Variants in XRCC5 observed in about 807,000 individuals in gnomAD.
The protein encoded by XRCC5 is DNA repair protein Ku80.
Under a neutral mutation model 95.7 loss-of-function variants are expected in XRCC5, and 12 were observed. The observed-to-expected ratio is 0.13, with a 90% CI of 0.08 to 0.20. The LOEUF is 0.20. Ranked by LOEUF, XRCC5 falls within the 10% of genes least tolerant of loss-of-function variation. The pLI is 1.00. For missense variants in XRCC5, 595 were observed against 873.9 expected (o/e 0.68, Z 4.02); for synonymous variants, 281 against 290.3 (o/e 0.97, Z 0.33).
intron 2 of XRCC5, among the ~76,000 whole-genome samples, chr2:216,115,693 T>C (rs1040386753): frequency 2.2e-4 from 33 of 152,348 alleles, no homozygotes; most frequent in African/African-American, 7.5e-4. Flanking sequence ...GATACTATTT[T>C]TTGTTTTTAT....
At position 216,177,586 on chromosome 2, in the gene XRCC5, G is replaced by C. The variant is rs3732028; in HGVS notation, c.1835-12639G>C. Among the ~76,000 whole-genome samples the C allele has an allele frequency of 1.5e-4, 23 of 152,218 alleles. 1 individual carries two copies. The East Asian group carries it at 4.4e-3, about 29-fold the overall frequency. ...TACTGGAAAAATTGTGTAGATTTTA[G>C]GAACTTGTTGGAGCAGAAAGGCGAT... On this transcript the variant is annotated intron_variant, in intron 16 of 20. Transcript: ENST00000392132.
In XRCC5 at chr2:216,141,346, T is replaced by C. The variant is rs1410033285; in HGVS notation, c.1476+27T>C. ...TAAGAGAAGAAGGATGAACAAGTCA[T>C]ATTTCTTTTAAATGAAAGAGAGCTA... On this transcript the variant is annotated intron_variant, in intron 13 of 20. Transcript: ENST00000392132. The C allele has an allele frequency of 1.9e-6, 3 of 1,613,298 alleles. No homozygotes were observed. The South Asian group carries it at 3.3e-5, about 18-fold the overall frequency.
At chr2:216,126,598 G>A (rs369116093) in intron 7 of XRCC5, among the ~76,000 whole-genome samples, 6 of 152,270 alleles carry the variant, frequency 3.9e-5, no homozygotes, top group East Asian at 3.9e-4. Context: ...AATCTGATGC[G>A]TGCCTTCATA....
intron 16 of XRCC5, among the ~76,000 whole-genome samples, chr2:216,176,884 TTGCGA>T (rs1216864406): frequency 6.6e-6 from 1 of 152,260 alleles, no homozygotes; most frequent in Non-Finnish European, 1.5e-5. Context: ...ACACCATAAA[TTGCGA>T]TGTGTTATGA....
intron 11 of XRCC5, 114 bp from the exon 12 acceptor site, chr2:216,137,975 C>A: frequency 2.4e-6 from 2 of 844,068 alleles, no homozygotes; most frequent in Non-Finnish European, 3.6e-6. Context: ...CAGAGTTGGG[C>A]TGTCCGATTT....
At chr2:216,144,369 G>A (rs529033549) in intron 13 of XRCC5, among the ~76,000 whole-genome samples, 2 of 152,310 alleles carry the variant, frequency 1.3e-5, no homozygotes, top group South Asian at 4.1e-4. Context: ...TGAATACCTT[G>A]TATGCCATAC....
intron 6 of XRCC5, among the ~76,000 whole-genome samples, chr2:216,124,925 C>T (rs1696878998): frequency 6.6e-6 from 1 of 152,308 alleles, no homozygotes; most frequent in Non-Finnish European, 1.5e-5. Context: ...TTAAATGAAG[C>T]AGCACTCCAC....
intron 5 of XRCC5, among the ~76,000 whole-genome samples, chr2:216,121,566 A>T (rs892386527): frequency 2.6e-5 from 4 of 152,104 alleles, no homozygotes; most frequent in Non-Finnish European, 5.9e-5. Context: ...CATTTTTTTT[A>T]AGGTCGCTAA....
intron 3 of XRCC5, 46 bp from the exon 4 acceptor site, chr2:216,117,700 A>G: frequency 6.3e-7 from 1 of 1,597,898 alleles, no homozygotes; most frequent in Non-Finnish European, 8.6e-7. Context: ...TTGCGTGTTC[A>G]CATGAAGAGA....
intron 19 of XRCC5, among the ~76,000 whole-genome samples, chr2:216,197,448 GAAAAAAAAAA>G (rs369842827): frequency 9.1e-6 from 1 of 110,332 alleles, no homozygotes; most frequent in East Asian, 2.6e-4. Context: ...TCTGTCCCAG[GAAAAAAAAAA>G]AAAAAAAAAA....
Position 216,127,456 on chromosome 2 carries a change from A to G in XRCC5, c.799-80A>G. On this transcript the variant is annotated intron_variant, in intron 7 of 20. Transcript: ENST00000392132. ...ATTGTTCTGGATTTTTGTCTGTGCC[A>G]GAGAGTGTATTAGGTTTTCATCTTC... 4 of 1,480,912 alleles carry G rather than the reference A, an allele frequency of 2.7e-6. No individual in the cohort carries two copies. In the South Asian group the frequency reaches 5.6e-5, roughly 21 times the overall value. The allele number at this position is 1,480,912 out of a possible 1,614,324, so 91.7% of individuals were successfully genotyped here.
chr2:216,162,474 A>G (rs1688971384), intron 16 of XRCC5, among the ~76,000 whole-genome samples: 1 of 150,322 alleles, frequency 6.7e-6, no homozygotes, highest in Non-Finnish European at 1.5e-5. Context: ...TGATTTCAGC[A>G]CACCACAACC....
chr2:216,179,130 G>C (rs1034603123), intron 16 of XRCC5, among the ~76,000 whole-genome samples: 6 of 152,210 alleles, frequency 3.9e-5, no homozygotes, highest in Admixed American at 1.3e-4. Flanking sequence ...TCACAGGACT[G>C]CTTCCTTCTG....
chr2:216,195,425 CTT>C (rs879829969), intron 19 of XRCC5, among the ~76,000 whole-genome samples: 1 of 78,730 alleles, frequency 1.3e-5, no homozygotes, highest in Non-Finnish European at 2.8e-5. Flanking sequence ...TTCTTTCTTT[CTT>C]TTTTTTTTTT....
At chr2:216,120,741 G>GGTGT (rs1696790441) in intron 5 of XRCC5, among the ~76,000 whole-genome samples, 1 of 151,162 alleles carries the variant, frequency 6.6e-6, no homozygotes, top group Non-Finnish European at 1.5e-5. Flanking sequence ...TTTCTTGGTT[G>GGTGT]TTGTTTGTTT....
At chr2:216,175,164 A>G (rs35509529) in intron 16 of XRCC5, 15,626 of 340,092 alleles carry the variant, frequency 0.046, 525 homozygotes, top group Non-Finnish European at 0.059. Context: ...CTGGTTCACC[A>G]TCTCCATAGC....
chr2:216,148,759 G>A (rs1473734346), intron 14 of XRCC5, among the ~76,000 whole-genome samples: 1 of 152,104 alleles, frequency 6.6e-6, no homozygotes, highest in Non-Finnish European at 1.5e-5. Context: ...TATCAGTGAT[G>A]TATTTGGTTG....
intron 10 of XRCC5, among the ~76,000 whole-genome samples, chr2:216,134,535 C>G (rs769679021): frequency 1.1e-4 from 16 of 150,474 alleles, no homozygotes; most frequent in Non-Finnish European, 2.1e-4. Context: ...TCAAGTGATT[C>G]TCCTGTCTCA....
chr2:216,141,311 T>C lies in XRCC5; in HGVS notation c.1468T>C (p.Leu490=). ...TKIPNPRFQR[L]FQCLLHRALH... is the part of the protein sequence containing the mutation. ...AATCCCAAATCCTCGATTTCAGAGA[T>C]TATTTCAGGTAAGAGAAGAAGGATG... The change falls in exon 13 of 21, where the codon TTA becomes CTA. Residue 490 remains leucine, a synonymous_variant. Transcript: ENST00000392132. 6.2e-7 allele frequency: 1 copy of C among 1,614,100 alleles called. No homozygotes were observed. The highest frequency in any genetic ancestry group is 8.5e-7 in the Non-Finnish European group (1 of 1,180,002).
Sources: allele counts gnomAD v4.1 joint callset (sites outside exome capture counted in the v4.1 genomes callset), GRCh38; gene constraint gnomAD v4.1.1; transcripts MANE v1.5; gene names NCBI Gene and HGNC (gene_info 2026-07-23, HGNC 2026-07-21).